Variants in MYL11 observed in about 807,000 individuals in gnomAD.
MYL11 encodes the protein myosin light chain 11.
the MYL11 span, chr16:30,376,300 C>T: frequency 1.3e-6 from 2 of 1,563,400 alleles, no homozygotes; most frequent in Non-Finnish European, 1.8e-6. Flanking sequence ...CCAGCCCTGT[C>T]AGCTCCACCT....
chr16:30,374,282 A>C, the MYL11 span, among the ~76,000 whole-genome samples: 1 of 150,680 alleles, frequency 6.6e-6, no homozygotes, highest in Non-Finnish European at 1.5e-5. Context: ...CACTACTGGC[A>C]CTCTAGCCTG....
the MYL11 span, chr16:30,376,511 C>G: frequency 2.5e-6 from 4 of 1,614,050 alleles, no homozygotes; most frequent in Non-Finnish European, 3.4e-6. Context: ...TGACCATGTT[C>G]GGGGAGAAGC....
chr16:30,373,490 G>A, the MYL11 span, among the ~76,000 whole-genome samples: 1 of 152,182 alleles, frequency 6.6e-6, no homozygotes, highest in South Asian at 2.1e-4. Flanking sequence ...CAGCTACTCG[G>A]GAGGCTGAAG....
chr16:30,376,294 C>G, the MYL11 span: 206 of 1,569,016 alleles, frequency 1.3e-4, no homozygotes, highest in Non-Finnish European at 1.8e-4. Flanking sequence ...TGGGTTCCAG[C>G]CCTGTCAGCT....
chr16:30,377,942 C>A, the MYL11 span: 3 of 1,542,000 alleles, frequency 1.9e-6, no homozygotes, highest in Non-Finnish European at 2.7e-6. Context: ...TCTGTTCGGC[C>A]CGACCTCCAC....
the MYL11 span, chr16:30,374,637 C>A: frequency 1.8e-6 from 1 of 545,406 alleles, no homozygotes; most frequent in East Asian, 3.2e-5. Flanking sequence ...CTCCCCCCTT[C>A]CTCCCCGCTG....
chr16:30,376,386 G>C, the MYL11 span: 1 of 1,592,034 alleles, frequency 6.3e-7, no homozygotes, highest in African/African-American at 1.3e-5. Flanking sequence ...GGCCCCAGGA[G>C]CCTGCTCCAG....
chr16:30,376,455 G>A, the MYL11 span: 12 of 1,614,068 alleles, frequency 7.4e-6, no homozygotes, highest in Admixed American at 2.0e-4. Context: ...GGAGTTGGAT[G>A]CCATGATGAA....
chr16:30,375,097 T>G, the MYL11 span, among the ~76,000 whole-genome samples: 22 of 152,334 alleles, frequency 1.4e-4, no homozygotes, highest in South Asian at 4.3e-3. Flanking sequence ...GATCCATTCA[T>G]TCCTGTACTC....
chr16:30,376,463 G>A, the MYL11 span: 4 of 1,614,114 alleles, frequency 2.5e-6, no homozygotes, highest in African/African-American at 2.7e-5. Flanking sequence ...ATGCCATGAT[G>A]AAGGAAGCCA....
the MYL11 span, chr16:30,376,401 T>C: frequency 1.2e-6 from 2 of 1,604,540 alleles, no homozygotes; most frequent in Non-Finnish European, 1.7e-6. Context: ...CTCCAGCCCA[T>C]GCTTCCCCCA....
At chr16:30,377,592 G>A in the MYL11 span, 6 of 1,408,394 alleles carry the variant, frequency 4.3e-6, no homozygotes, top group Non-Finnish European at 4.7e-6. Context: ...GGGATGAGGT[G>A]CGAGGGAGTG....
chr16:30,377,640 T>A, the MYL11 span: 1 of 1,490,122 alleles, frequency 6.7e-7, no homozygotes, highest in Non-Finnish European at 9.0e-7. Flanking sequence ...TCCCCTTGTG[T>A]CACCTCTCTC....
chr16:30,374,792 G>A, the MYL11 span: 5 of 1,598,776 alleles, frequency 3.1e-6, no homozygotes, highest in Non-Finnish European at 4.3e-6. Flanking sequence ...CAGAGGGACT[G>A]CCCCATGCTG....
chr16:30,376,451 G>A, the MYL11 span: 2 of 1,613,900 alleles, frequency 1.2e-6, no homozygotes, highest in East Asian at 2.2e-5. Context: ...ATGAGGAGTT[G>A]GATGCCATGA....
the MYL11 span, chr16:30,377,664 C>A: frequency 6.6e-7 from 1 of 1,523,956 alleles, no homozygotes; most frequent in Non-Finnish European, 8.9e-7. Flanking sequence ...CCTGGAGGAG[C>A]TGCTGACCAC....
At chr16:30,377,388 A>G in the MYL11 span, among the ~76,000 whole-genome samples, 92,886 of 151,766 alleles carry the variant, frequency 0.61, 29,262 homozygotes, top group East Asian at 0.92. Context: ...GTCTCAAAAC[A>G]AACAAAAACC....
the MYL11 span, chr16:30,377,782 A>G: frequency 1.2e-6 from 2 of 1,613,770 alleles, no homozygotes; most frequent in Non-Finnish European, 1.7e-6. Context: ...AGACGCCCCT[A>G]CGTCTTTCCC....
chr16:30,377,554 T>G, the MYL11 span: 2 of 1,281,548 alleles, frequency 1.6e-6, no homozygotes, highest in Non-Finnish European at 1.0e-6. Flanking sequence ...GTGACCTGGG[T>G]TTTCAGGGGA....
Sources: allele counts gnomAD v4.1 joint callset (sites outside exome capture counted in the v4.1 genomes callset), GRCh38; gene constraint gnomAD v4.1.1; transcripts MANE v1.5; gene names NCBI Gene and HGNC (gene_info 2026-07-23, HGNC 2026-07-21).